SRGAP1: variants seen among roughly 807,000 people sequenced by gnomAD.
The protein encoded by SRGAP1 is SLIT-ROBO Rho GTPase-activating protein 1.
A neutral mutation model predicts 121.9 loss-of-function variants in SRGAP1; 43 were observed. The observed-to-expected ratio is 0.35, with a 90% CI of 0.28 to 0.46. The LOEUF is 0.46. Among genes scored for constraint, SRGAP1 ranks in the 20% least tolerant of loss-of-function variants. The pLI is 1.00. For synonymous variants in SRGAP1, 447 were observed against 485.4 expected (o/e 0.92, Z 1.04); for missense variants, 1,102 against 1,350.9 (o/e 0.82, Z 2.89).
intron 1 of SRGAP1, among the ~76,000 whole-genome samples, chr12:63,934,602 T>C (rs1195367000): frequency 6.6e-6 from 1 of 152,214 alleles, no homozygotes; most frequent in Non-Finnish European, 1.5e-5. Flanking sequence ...ATGTTGGCCC[T>C]TTATTGGTCC....
chr12:64,137,436 G>T (rs1042849801), intron 21 of SRGAP1, among the ~76,000 whole-genome samples: 3 of 152,022 alleles, frequency 2.0e-5, no homozygotes, highest in Non-Finnish European at 4.4e-5. Context: ...CTCGTAAAAT[G>T]TCTTCCAGAT....
At chr12:64,123,895 G>A (rs2036646765) in intron 18 of SRGAP1, among the ~76,000 whole-genome samples, 1 of 151,904 alleles carries the variant, frequency 6.6e-6, no homozygotes, top group Non-Finnish European at 1.5e-5. Flanking sequence ...TAGTGTTGTG[G>A]TTCTGCAATA....
chr12:64,139,585 GTTGT>G (rs1236522738), intron 21 of SRGAP1, among the ~76,000 whole-genome samples: 2 of 151,816 alleles, frequency 1.3e-5, no homozygotes, highest in African/African-American at 2.4e-5. Context: ...TTTTGATGGG[GTTGT>G]TTGTTTTTTT....
chr12:63,868,167 C>CTGCCTCA (rs1173868272), intron 1 of SRGAP1, among the ~76,000 whole-genome samples: 1 of 145,132 alleles, frequency 6.9e-6, no homozygotes, highest in Non-Finnish European at 1.5e-5. Context: ...CTGCAACCTC[C>CTGCCTCA]GCCTCCTGGG....
At chr12:64,033,438 C>T (rs1237678064) in intron 4 of SRGAP1, among the ~76,000 whole-genome samples, 1 of 152,034 alleles carries the variant, frequency 6.6e-6, no homozygotes, top group African/African-American at 2.4e-5. Context: ...GTTTTGTGGC[C>T]AGGTGTGGTG....
intron 1 of SRGAP1, among the ~76,000 whole-genome samples, chr12:63,955,328 A>G (rs1433340835): frequency 1.3e-5 from 2 of 152,224 alleles, no homozygotes; most frequent in Non-Finnish European, 2.9e-5. Context: ...CAAGAAAAAA[A>G]ATAAATAAAA....
At chr12:63,907,922 G>A (rs562863152) in intron 1 of SRGAP1, among the ~76,000 whole-genome samples, 153 of 152,204 alleles carry the variant, frequency 1.0e-3, no homozygotes, top group African/African-American at 3.5e-3. Context: ...TTTGCATGTG[G>A]ATATCCAGTT....
chr12:64,079,226 C>A, intron 9 of SRGAP1, 110 bp downstream of exon 9: 2 of 1,131,346 alleles, frequency 1.8e-6, no homozygotes, highest in Non-Finnish European at 2.5e-6. Flanking sequence ...TTAAAATAGA[C>A]TCCTGTCTAC....
chr12:64,096,139 G>A (rs1183295307), intron 14 of SRGAP1, among the ~76,000 whole-genome samples: 2 of 152,174 alleles, frequency 1.3e-5, no homozygotes, highest in Non-Finnish European at 2.9e-5. Context: ...CAGGTTCTGT[G>A]CTAGCCACCA....
intron 1 of SRGAP1, among the ~76,000 whole-genome samples, chr12:63,930,328 T>TA (rs755253203): frequency 0.05 from 2,994 of 59,860 alleles, 82 homozygotes; most frequent in Admixed American, 0.073. Context: ...TCGTCTCTAC[T>TA]AAAAAAAAAA....
At chr12:63,891,295 A>G (rs1425752159) in intron 1 of SRGAP1, among the ~76,000 whole-genome samples, 3 of 152,216 alleles carry the variant, frequency 2.0e-5, no homozygotes, top group East Asian at 1.9e-4. Context: ...TGCCTGTCCT[A>G]CGGGTGTGCC....
chr12:64,126,900 C>T (rs2036695831), intron 19 of SRGAP1, among the ~76,000 whole-genome samples: 1 of 152,094 alleles, frequency 6.6e-6, no homozygotes, highest in Non-Finnish European at 1.5e-5. Context: ...CACACAATGA[C>T]ATTTTGAGCA....
At chr12:63,889,918 AG>A (rs200198116) in intron 1 of SRGAP1, among the ~76,000 whole-genome samples, 130 of 152,076 alleles carry the variant, frequency 8.5e-4, no homozygotes, top group African/African-American at 3.0e-3. Context: ...AAAAAAAAAA[AG>A]AAAGAAAAAG....
Position 63,944,780 on chromosome 12 carries a change from C to G in SRGAP1, c.68-39167C>G, listed in dbSNP as rs565625935. ...GTATTCCATCACTCCCATAAAAGCTCCCTAGAACAGCTTTGGTAAGGGAAG... is the reference window on the plus strand; with the variant it reads ...GTATTCCATCACTCCCATAAAAGCTGCCTAGAACAGCTTTGGTAAGGGAAG... On this transcript the variant is annotated intron_variant, in intron 1 of 21. Coordinates refer to ENST00000355086, the MANE Select transcript of SRGAP1 (RefSeq NM_020762.4). 1.4e-4 allele frequency among the ~76,000 whole-genome samples: 21 copies of G among 152,292 alleles called. No homozygotes were observed. The South Asian group carries it at 3.7e-3, about 27-fold the overall frequency.
intron 21 of SRGAP1, 142 bp from the exon 22 acceptor site, chr12:64,142,153 G>T (rs1236848307): frequency 3.7e-6 from 3 of 805,166 alleles, no homozygotes; most frequent in African/African-American, 3.4e-5. Context: ...ATGGCATAAT[G>T]TTTACATATT....
intron 19 of SRGAP1, among the ~76,000 whole-genome samples, chr12:64,126,534 G>A (rs1420344854): frequency 6.6e-6 from 1 of 152,208 alleles, no homozygotes; most frequent in Non-Finnish European, 1.5e-5. Flanking sequence ...AAAGTCAGAG[G>A]GAATCATTGC....
chr12:64,012,647 G>A (rs1250267730), intron 3 of SRGAP1, among the ~76,000 whole-genome samples: 1 of 133,418 alleles, frequency 7.5e-6, no homozygotes, highest in Admixed American at 8.4e-5. Flanking sequence ...CGAACTCTTA[G>A]GTTCAAGAGA....
intron 11 of SRGAP1, 82 bp downstream of exon 11, chr12:64,087,108 T>A: frequency 9.1e-7 from 1 of 1,104,816 alleles, no homozygotes; most frequent in Non-Finnish European, 1.3e-6. Flanking sequence ...CTGAAAGAAT[T>A]AACATTTTGT....
chr12:63,956,522 A>G (rs2032477372), intron 1 of SRGAP1, among the ~76,000 whole-genome samples: 1 of 152,358 alleles, frequency 6.6e-6, no homozygotes. Context: ...AAACAAAAAA[A>G]TAGTTCAAGA....
Sources: gnomAD v4.1 joint callset for allele counts (sites outside exome capture counted in the v4.1 genomes callset) on GRCh38, gnomAD v4.1.1 for gene constraint, MANE v1.5 for transcripts, NCBI Gene and HGNC (gene_info 2026-07-23, HGNC 2026-07-21) for gene names.